DNAJB4: variants seen among roughly 807,000 people sequenced by gnomAD.
DNAJB4 encodes DnaJ heat shock protein family (Hsp40) member B4.
DNAJB4 carries 10 observed loss-of-function variants against 26.6 expected under a neutral mutation model. The observed-to-expected ratio is 0.38, with a 90% CI of 0.23 to 0.64. The LOEUF (loss-of-function observed/expected upper bound fraction) is 0.64, where lower values mean the gene tolerates loss of function less well. Ranked by LOEUF, DNAJB4 falls within the 30% of genes least tolerant of loss-of-function variation. DNAJB4 has a pLI of 0.58. For synonymous variants in DNAJB4, 136 were observed against 134.8 expected, an observed-to-expected ratio of 1.01 and a Z score of -0.06; for missense variants, 328 against 408.2, an observed-to-expected ratio of 0.80 and a Z score of 1.69.
chr1:78,013,660 T>C (rs1003071459), intron 2 of DNAJB4, 41 bp downstream of exon 2: 26 of 1,433,676 alleles, frequency 1.8e-5, no homozygotes, highest in Admixed American at 2.2e-5. Flanking sequence ...CAAATAATTA[T>C]GTAGTTGATC....
In DNAJB4 at chr1:78,013,935, A is replaced by G. The variant is rs115656971; in HGVS notation, c.780+316A>G. On this transcript the variant is annotated intron_variant, in intron 2 of 2. Coordinates refer to ENST00000370763, the MANE Select transcript of DNAJB4 (RefSeq NM_007034.5). ...GTCTTTGTATATAGGGTTTGTTCTA[A>G]ATTTGTTAATATGGAGTAATAATTG... 6.1e-3 allele frequency among the ~76,000 whole-genome samples: 932 copies of G among 152,196 alleles called. 10 individuals are homozygous for G. The highest frequency in any genetic ancestry group is 0.021 in the African/African-American group (876 of 41,550).
At chr1:77,989,329 A>C (rs546547019) in intron 1 of DNAJB4, among the ~76,000 whole-genome samples, 2 of 152,298 alleles carry the variant, frequency 1.3e-5, no homozygotes, top group South Asian at 2.1e-4. Context: ...GTTTTTAAAT[A>C]TCCTCCTCTA....
chr1:77,988,762 C>G (rs954470037), intron 1 of DNAJB4, among the ~76,000 whole-genome samples: 1 of 152,176 alleles, frequency 6.6e-6, no homozygotes, highest in African/African-American at 2.4e-5. Context: ...GCTTTTATCA[C>G]CGTCTAACAC....
intron 1 of DNAJB4, among the ~76,000 whole-genome samples, chr1:78,009,232 T>G (rs539149003): frequency 1.3e-5 from 2 of 152,324 alleles, no homozygotes; most frequent in African/African-American, 4.8e-5. Context: ...AAATCTGGAT[T>G]TTTACATATT....
chr1:77,983,196 C>A (rs1571419620), intron 1 of DNAJB4, among the ~76,000 whole-genome samples: 1 of 152,238 alleles, frequency 6.6e-6, no homozygotes, highest in East Asian at 1.9e-4. Context: ...TATGCATACA[C>A]ATAAACATCT....
In DNAJB4 at chr1:78,016,450, A is replaced by G; in HGVS notation, c.*203A>G. The G allele has an allele frequency of 1.8e-6, 1 of 543,680 alleles. No individual in the cohort carries two copies. Among genetic ancestry groups the G allele is most frequent in the South Asian group, 2.6e-5 (1 of 38,028 alleles). 33.7% of individuals were successfully genotyped at this position (543,680 alleles called of 1,614,324 possible). On this transcript the variant is annotated 3_prime_UTR_variant, in exon 3 of 3. Coordinates refer to ENST00000370763, the MANE Select transcript of DNAJB4 (RefSeq NM_007034.5). The stretch of plus-strand genomic sequence containing the variant: ...GATAAAAGAGAAAACCATTCACTGT[A>G]TTTTATTTCATTTCTCCTGATTCAG...
At chr1:78,012,457 C>T (rs994859591) in intron 1 of DNAJB4, among the ~76,000 whole-genome samples, 10 of 151,586 alleles carry the variant, frequency 6.6e-5, no homozygotes, top group East Asian at 2.0e-4. Flanking sequence ...CCTCTGCGCC[C>T]GGCCTTATTT....
chr1:77,998,924 T>C (rs1034324360), intron 1 of DNAJB4, among the ~76,000 whole-genome samples: 2 of 152,130 alleles, frequency 1.3e-5, no homozygotes, highest in East Asian at 1.9e-4. Flanking sequence ...TCCCTATTTT[T>C]CCCCTAAAGA....
At chr1:78,002,895 C>A (rs1173269029), upstream of DNAJB4, among the ~76,000 whole-genome samples, 1 of 152,112 alleles carries the variant, frequency 6.6e-6, no homozygotes, top group Non-Finnish European at 1.5e-5. Flanking sequence ...AGATTTCTTT[C>A]CGTCTGTTAA....
At chr1:77,987,866 T>C (rs1252341571) in intron 1 of DNAJB4, among the ~76,000 whole-genome samples, 1 of 151,118 alleles carries the variant, frequency 6.6e-6, no homozygotes, top group Non-Finnish European at 1.5e-5. Context: ...TTTTTGAGTT[T>C]GTTTAGTCTT....
intron 1 of DNAJB4, among the ~76,000 whole-genome samples, chr1:77,996,154 G>GAT (rs1245000376): frequency 6.6e-6 from 1 of 152,014 alleles, no homozygotes; most frequent in East Asian, 1.9e-4. Context: ...AAAAGGAAAT[G>GAT]ATATATATAT....
At position 78,005,490 on chromosome 1, in the gene DNAJB4, A is replaced by G. The variant is rs545227102; in HGVS notation, c.211+169A>G. On this transcript the variant is annotated intron_variant, in intron 1 of 2. Coordinates refer to ENST00000370763, the MANE Select transcript of DNAJB4 (RefSeq NM_007034.5). ...GACAAATGTATAATAACAAGGTTTC[A>G]TCTCTGATCATATGAATGAGTATTG... Among the ~76,000 whole-genome samples the G allele has an allele frequency of 3.3e-5, 5 of 152,248 alleles. No homozygotes were observed. In the South Asian group the frequency reaches 1.0e-3, roughly 32 times the overall value.
chr1:78,005,459 T>A, intron 1 of DNAJB4, 138 bp downstream of exon 1: 1 of 708,274 alleles, frequency 1.4e-6, no homozygotes. Flanking sequence ...ATATCAAAAG[T>A]AGAAGGACAA....
At chr1:78,010,857 T>C (rs748249091) in intron 1 of DNAJB4, among the ~76,000 whole-genome samples, 12 of 152,234 alleles carry the variant, frequency 7.9e-5, no homozygotes, top group Non-Finnish European at 1.6e-4. Flanking sequence ...AGACACCTTT[T>C]TTAGTTTTGA....
At chr1:77,989,467 T>G (rs1219371299) in intron 1 of DNAJB4, among the ~76,000 whole-genome samples, 2 of 152,192 alleles carry the variant, frequency 1.3e-5, no homozygotes, top group African/African-American at 4.8e-5. Context: ...TCCCTCTTAA[T>G]GTTCAATTTA....
At position 78,009,753 on chromosome 1, in the gene DNAJB4, G is replaced by A. The variant is rs1051226923; in HGVS notation, c.212-3298G>A. Among the ~76,000 whole-genome samples, 3 of 152,246 alleles carry A rather than the reference G, an allele frequency of 2.0e-5. No homozygotes were observed. The South Asian group carries it at 6.2e-4, about 32-fold the overall frequency. On this transcript the variant is annotated intron_variant, in intron 1 of 2. Coordinates refer to ENST00000370763, the MANE Select transcript of DNAJB4 (RefSeq NM_007034.5). ...TTTTGAGACAGAATCAGTCTCCTGAGTAGCTGGGATTACAGGCGTGCGCCA... is the reference window on the plus strand; with the variant it reads ...TTTTGAGACAGAATCAGTCTCCTGAATAGCTGGGATTACAGGCGTGCGCCA...
intron 1 of DNAJB4, among the ~76,000 whole-genome samples, chr1:77,997,508 TA>T (rs1381985813): frequency 6.6e-6 from 1 of 151,680 alleles, no homozygotes; most frequent in Non-Finnish European, 1.5e-5. Context: ...CCTGTCTCCA[TA>T]AAAAAAACTT....
Position 78,013,502 on chromosome 1 carries a change from T to A in DNAJB4, c.663T>A (p.Asp221Glu). 1 of 1,614,042 alleles carries A rather than the reference T, an allele frequency of 6.2e-7. No individual in the cohort carries two copies. The highest frequency in any genetic ancestry group is 8.5e-7 in the Non-Finnish European group (1 of 1,179,990). The change falls in exon 2 of 3, where the codon GAT becomes GAA. Residue 221 changes from aspartate to glutamate, a missense_variant. Physicochemically the swap from Asp to Glu is conservative, Grantham distance 45 (BLOSUM62 2). Coordinates refer to ENST00000370763, the MANE Select transcript of DNAJB4 (RefSeq NM_007034.5). ...GTKITFPREG[D>E]ETPNSIPADI... ...AAATTACTTTTCCAAGAGAAGGAGA[T>A]GAAACACCAAATAGTATTCCAGCAG...
At chr1:77,993,020 G>A (rs984176855) in intron 1 of DNAJB4, among the ~76,000 whole-genome samples, 1 of 152,044 alleles carries the variant, frequency 6.6e-6, no homozygotes, top group Non-Finnish European at 1.5e-5. Flanking sequence ...CACCGCGCCC[G>A]GCCTATTTCT....
Sources: gnomAD v4.1 joint callset for allele counts (sites outside exome capture counted in the v4.1 genomes callset) on GRCh38, gnomAD v4.1.1 for gene constraint, MANE v1.5 for transcripts, NCBI Gene and HGNC (gene_info 2026-07-23, HGNC 2026-07-21) for gene names.